Variants in KATNB1 observed in about 807,000 individuals in gnomAD.
The protein encoded by KATNB1 is katanin regulatory subunit B1.
A neutral mutation model predicts 82.3 loss-of-function variants in KATNB1; 38 were observed. The ratio of observed to expected loss-of-function variants is 0.46; its 90% CI spans 0.36 to 0.61. KATNB1 has a LOEUF of 0.61. Among genes scored for constraint, KATNB1 ranks in the 20% least tolerant of loss-of-function variants. The probability of loss-of-function intolerance (pLI) is 0.00; values close to 1 mark genes in which losing one functional copy is unlikely to be tolerated. For synonymous variants in KATNB1, 361 were observed against 368.7 expected (o/e 0.98, Z 0.24); for missense variants, 749 against 915.7 (o/e 0.82, Z 2.35).
At chr16:57,752,233 C>T in intron 8 of KATNB1, 178 bp downstream of exon 8, 2 of 646,310 alleles carry the variant, frequency 3.1e-6, no homozygotes, top group Non-Finnish European at 5.6e-6. Flanking sequence ...TCTCCCCTGG[C>T]TCTGGTTCCC....
At chr16:57,754,086 C>T in intron 13 of KATNB1, 91 bp downstream of exon 13, 2 of 1,087,406 alleles carry the variant, frequency 1.8e-6, no homozygotes, top group Non-Finnish European at 2.8e-6. Context: ...AAGCCCCTTC[C>T]CAGGACCCTC....
chr16:57,741,062 C>T (rs569027482), intron 2 of KATNB1, among the ~76,000 whole-genome samples: 24 of 152,328 alleles, frequency 1.6e-4, no homozygotes, highest in African/African-American at 4.1e-4. Flanking sequence ...GCCAAGGCCA[C>T]GCAATAGCAG....
chr16:57,745,858 C>G (rs1555581303), intron 4 of KATNB1, among the ~76,000 whole-genome samples: 1 of 151,918 alleles, frequency 6.6e-6, no homozygotes, highest in Non-Finnish European at 1.5e-5. Context: ...AATTCTCTGC[C>G]AGAAGAGTAA....
At chr16:57,747,417 T>C (rs2049191527) in intron 4 of KATNB1, among the ~76,000 whole-genome samples, 1 of 152,170 alleles carries the variant, frequency 6.6e-6, no homozygotes, top group African/African-American at 2.4e-5. Context: ...AGTGGCAAGG[T>C]TCCCTTTGCT....
rs1207688096 is a variant in KATNB1, at chr16:57,737,384, G to A, written c.40+101G>A. 12 of 1,326,280 alleles carry A rather than the reference G, an allele frequency of 9.0e-6. No homozygotes were observed. In the African/African-American group the frequency reaches 1.0e-4, roughly 11 times the overall value. The allele number at this position is 1,326,280 out of a possible 1,614,324, so 82.2% of individuals were successfully genotyped here. On this transcript the variant is annotated intron_variant, in intron 2 of 19. Transcript: ENST00000379661. ...GCTTTGTTTCCTGTTCTTGGCACAG[G>A]AGGAGACTCCTAGACTTGGGAGTAA...
chr16:57,752,574 G>A lies in KATNB1; in HGVS notation c.677G>A (p.Cys226Tyr). 2.5e-6 allele frequency: 4 copies of A among 1,569,680 alleles called. No homozygotes were observed. Among genetic ancestry groups the A allele is most frequent in the Non-Finnish European group, 3.5e-6 (4 of 1,157,376 alleles). Residue 226 changes from cysteine to tyrosine, a missense_variant, in exon 9 of 20, where the codon TGC (cysteine) becomes TAC (tyrosine). By Grantham distance (194) the Cys-to-Tyr change is radical (BLOSUM62 -2). This residue lies in a region of KATNB1 where 247 missense variants were observed against 349.4 expected (regional missense o/e 0.71). Coordinates refer to ENST00000379661, the MANE Select transcript of KATNB1 (RefSeq NM_005886.3). ...WDLEKFQVVS[C>Y]IEGEPGPVRS... ...CTGGAGAAGTTCCAGGTGGTGAGCT[G>A]CATCGAAGGGGAGCCTGGGCCCGTC...
chr16:57,755,104 G>A lies in KATNB1; in HGVS notation c.1297-15G>A. The A allele has an allele frequency of 6.2e-7, 1 of 1,613,040 alleles. No individual in the cohort carries two copies. The highest frequency in any genetic ancestry group is 8.5e-7 in the Non-Finnish European group (1 of 1,179,874). Reference sequence around the variant, plus strand: ...GAGGCCCCAGGCCGGCAACCGCTGAGTTTCACACTTTCAGCTGGAGGTCCT... The same window carrying A: ...GAGGCCCCAGGCCGGCAACCGCTGAATTTCACACTTTCAGCTGGAGGTCCT... On this transcript the variant is annotated splice_polypyrimidine_tract_variant and intron_variant, in intron 14 of 19. Transcript: ENST00000379661.
Position 57,753,932 on chromosome 16 carries a change from C to T in KATNB1, c.1178-13C>T, listed in dbSNP as rs782219004. 7.4e-6 allele frequency: 12 copies of T among 1,613,158 alleles called. No homozygotes were observed. Among genetic ancestry groups the T allele is most frequent in the Admixed American group, 1.7e-5 (1 of 59,974 alleles). On this transcript the variant is annotated splice_polypyrimidine_tract_variant and intron_variant, in intron 12 of 19. Transcript: ENST00000379661. ...CAGGAGCGCTCACAGCCAGGGGCCT[C>T]TTTCCTCTGCAGGTCGGACGCCACC...
Position 57,751,391 on chromosome 16 carries a change from G to A in KATNB1, c.432+89G>A, listed in dbSNP as rs909420121. The A allele has an allele frequency of 3.0e-6, 4 of 1,325,552 alleles. No homozygotes were observed. Among genetic ancestry groups the A allele is most frequent in the Admixed American group, 1.7e-5 (1 of 59,204 alleles). 82.1% of individuals were successfully genotyped at this position (1,325,552 alleles called of 1,614,324 possible). A position where few individuals can be genotyped will look rare whatever the true frequency, so the allele number is the denominator to read the frequency against. On this transcript the variant is annotated intron_variant, in intron 6 of 19. Transcript: ENST00000379661. This position sits in a 1 kb window ranked among gnomAD's most constrained non-coding sequence, Gnocchi z 6.3. The stretch of plus-strand genomic sequence containing the variant: ...CCAGACCCCAGCAGGGGGTGGAGGG[G>A]ACGGCTGTCCCACATGGGTGATAAC...
In KATNB1 at chr16:57,741,779, G is replaced by A. The variant is rs1555579687; in HGVS notation, c.133G>A (p.Val45Ile). The part of the protein sequence containing the change: ...LLATGGDDCR[V>I]NLWSINKPNC... Reference sequence around the variant, plus strand: ...GGCTACAGGCGGGGATGACTGCCGCGTCAACCTGTGGTCCATCAACAAGCC... The same window carrying A: ...GGCTACAGGCGGGGATGACTGCCGCATCAACCTGTGGTCCATCAACAAGCC... Residue 45 changes from valine (V) to isoleucine (I), a missense_variant, in exon 3 of 20, where the codon GTC becomes ATC. Around this residue, in one of 3 missense-constraint regions of KATNB1, gnomAD observed 247 missense variants for 349.4 expected, o/e 0.71. Coordinates refer to ENST00000379661, the MANE Select transcript of KATNB1 (RefSeq NM_005886.3). 1.1e-5 allele frequency: 17 copies of A among 1,613,452 alleles called. No individual in the cohort carries two copies. The highest frequency in any genetic ancestry group is 1.2e-5 in the Non-Finnish European group (14 of 1,179,934).
rs146270892 is a variant in KATNB1 at position 57,755,934 on chromosome 16, G to T, written c.1643+17G>T. ...CCAGAAAGCGTAAGTGGCTGCAGAGGGGGAGTGGGCGGAGGGGCAGGGCTG... is the reference window on the plus strand; with the variant it reads ...CCAGAAAGCGTAAGTGGCTGCAGAGTGGGAGTGGGCGGAGGGGCAGGGCTG... On this transcript the variant is annotated intron_variant, in intron 17 of 19. Coordinates refer to ENST00000379661, the MANE Select transcript of KATNB1 (RefSeq NM_005886.3). 2 of 1,605,982 alleles carry T rather than the reference G, an allele frequency of 1.2e-6. No individual in the cohort carries two copies. The highest frequency in any genetic ancestry group is 1.1e-5 in the South Asian group (1 of 90,684).
intron 2 of KATNB1, among the ~76,000 whole-genome samples, chr16:57,739,813 A>G (rs979989055): frequency 9.2e-5 from 14 of 152,258 alleles, no homozygotes; most frequent in African/African-American, 3.4e-4. Context: ...ATACTGGGGC[A>G]TATTTCGTGC....
At chr16:57,738,673 C>A (rs1485120368) in intron 2 of KATNB1, among the ~76,000 whole-genome samples, 2 of 152,172 alleles carry the variant, frequency 1.3e-5, no homozygotes, top group Non-Finnish European at 2.9e-5. Flanking sequence ...ATGTTGTTCC[C>A]CAAAACTCTA....
intron 4 of KATNB1, among the ~76,000 whole-genome samples, chr16:57,748,672 C>G (rs1211738916): frequency 6.6e-6 from 1 of 152,162 alleles, no homozygotes; most frequent in Non-Finnish European, 1.5e-5. Flanking sequence ...GCATCAGAGG[C>G]CTTCGTGGGA....
At chr16:57,755,035 A>G in intron 14 of KATNB1, 38 bp downstream of exon 14, 1 of 1,613,658 alleles carries the variant, frequency 6.2e-7, no homozygotes, top group Non-Finnish European at 8.5e-7. Flanking sequence ...GGGCCTAGAG[A>G]AGGTCCTGAC....
intron 18 of KATNB1, 96 bp downstream of exon 18, chr16:57,756,162 T>TC: frequency 7.1e-7 from 1 of 1,401,854 alleles, no homozygotes; most frequent in East Asian, 2.3e-5. Context: ...AGAGCCTGGG[T>TC]GTTCCTGTGA....
chr16:57,753,982 A>G lies in KATNB1; in HGVS notation c.1215A>G (p.Ala405=). 6.2e-7 allele frequency: 1 copy of G among 1,612,982 alleles called. No individual in the cohort carries two copies. Among genetic ancestry groups the G allele is most frequent in the South Asian group, 1.1e-5 (1 of 90,960 alleles). ...TPPRRSEPFP[A]PPEDDAATAK... is the part of the protein sequence containing the mutation. ...CCCGGAGAAGTGAGCCCTTCCCTGCACCCCCAGAGGACGGTGAGTTGGGTG... is the reference window on the plus strand; with the variant it reads ...CCCGGAGAAGTGAGCCCTTCCCTGCGCCCCCAGAGGACGGTGAGTTGGGTG... Residue 405 remains alanine, a synonymous_variant, in exon 13 of 20, where the codon GCA becomes GCG. Coordinates refer to ENST00000379661, the MANE Select transcript of KATNB1 (RefSeq NM_005886.3).
chr16:57,739,686 G>A (rs1262217766), intron 2 of KATNB1, among the ~76,000 whole-genome samples: 2 of 152,128 alleles, frequency 1.3e-5, no homozygotes, highest in African/African-American at 4.8e-5. Flanking sequence ...TCCCTGGTCA[G>A]GCTGCTTAGA....
At position 57,751,449 on chromosome 16, in the gene KATNB1, C is replaced by T. The variant is rs2049227147; in HGVS notation, c.432+147C>T. On this transcript the variant is annotated intron_variant, in intron 6 of 19. Coordinates refer to ENST00000379661, the MANE Select transcript of KATNB1 (RefSeq NM_005886.3). The surrounding 1 kb of genome is among the most constrained non-coding windows in gnomAD (Gnocchi z 6.3). ...ATAGACCTGGAGCTGAGCAGGAGCGCCATGGGCGGCCCACCTGGATCCCCT... is the reference window on the plus strand; with the variant it reads ...ATAGACCTGGAGCTGAGCAGGAGCGTCATGGGCGGCCCACCTGGATCCCCT... 3 of 985,178 alleles carry T rather than the reference C, an allele frequency of 3.0e-6. No individual in the cohort carries two copies. The South Asian group carries it at 4.1e-5, about 14-fold the overall frequency. 61.0% of individuals were successfully genotyped at this position (985,178 alleles called of 1,614,324 possible).
Sources: allele counts gnomAD v4.1 joint callset (sites outside exome capture counted in the v4.1 genomes callset), GRCh38; gene constraint gnomAD v4.1.1; regional missense constraint gnomAD v4.1.1; non-coding constraint Gnocchi (gnomAD v3.1); transcripts MANE v1.5; gene names NCBI Gene and HGNC (gene_info 2026-07-23, HGNC 2026-07-21).